The following ASTN2 variants were observed in gnomAD, a reference collection of about 807,000 sequenced individuals.
ASTN2 encodes astrotactin 2, also known as astrotactin-2.
A neutral mutation model predicts 139.8 loss-of-function variants in ASTN2; 54 were observed. The ratio of observed to expected loss-of-function variants is 0.39; its 90% CI spans 0.31 to 0.48. ASTN2 has a LOEUF of 0.48. ASTN2 is among the 20% of genes least tolerant of loss of function. The pLI is 0.95. For missense variants in ASTN2, 1,565 were observed against 1,725.1 expected, an observed-to-expected ratio of 0.91 and a Z score of 1.64; for synonymous variants, 756 against 719.5, an observed-to-expected ratio of 1.05 and a Z score of -0.81.
chr9:116,756,770 A>AACACAC (rs111716372), intron 13 of ASTN2, among the ~76,000 whole-genome samples: 38,175 of 147,914 alleles, frequency 0.26, 4,828 homozygotes, highest in Admixed American at 0.31. Context: ...CTCCGAATAA[A>AACACAC]ACACACACAC....
chr9:116,896,530 G>A lies in ASTN2; in HGVS notation c.1890-32797C>T, dbSNP rs113337913. Among the ~76,000 whole-genome samples the A allele has an allele frequency of 3.1e-3, 470 of 152,216 alleles. 5 individuals are homozygous for A. Among genetic ancestry groups the A allele is most frequent in the African/African-American group, 0.011 (454 of 41,542 alleles). On this transcript the variant is annotated intron_variant, in intron 10 of 22. Coordinates refer to ENST00000313400, the MANE Select transcript of ASTN2 (RefSeq NM_001365068.1). ...GACAGGGTTTCACCATGTTGGCCAG[G>A]ATGGTCTCAAACTCTTGACCTCAGG...
At chr9:116,575,294 TAA>T (rs60609223) in intron 19 of ASTN2, among the ~76,000 whole-genome samples, 1 of 147,628 alleles carries the variant, frequency 6.8e-6, no homozygotes, top group Non-Finnish European at 1.5e-5. Flanking sequence ...AATGTATAAT[TAA>T]AAAAAAAAGA....
rs930361776 is a variant in ASTN2, at chr9:116,653,157, CGGA to C, written c.2807-1367_2807-1365del. Among the ~76,000 whole-genome samples the C allele has an allele frequency of 1.0e-3, 157 of 152,286 alleles. 1 individual carries two copies. The highest frequency in any genetic ancestry group is 3.5e-3 in the South Asian group (17 of 4,824). ...ACTTTCAGTGCCAAACATGGTGCGA[CGGA>C]TGTATTTGATACTCAGCCAGAGAGA... On this transcript the variant is annotated intron_variant, in intron 16 of 22. Coordinates refer to ENST00000313400, the MANE Select transcript of ASTN2 (RefSeq NM_001365068.1).
At chr9:117,060,845 A>G (rs1839268422) in intron 5 of ASTN2, among the ~76,000 whole-genome samples, 1 of 152,154 alleles carries the variant, frequency 6.6e-6, no homozygotes, top group South Asian at 2.1e-4. Flanking sequence ...CAGTGAGCCA[A>G]GATTGTGCCA....
intron 19 of ASTN2, among the ~76,000 whole-genome samples, chr9:116,556,785 A>C (rs2119436633): frequency 6.6e-6 from 1 of 152,266 alleles, no homozygotes; most frequent in Non-Finnish European, 1.5e-5. Flanking sequence ...GTAATTTTCT[A>C]CCCACTTTAT....
At chr9:116,892,960 T>C (rs962048179) in intron 10 of ASTN2, among the ~76,000 whole-genome samples, 5 of 152,316 alleles carry the variant, frequency 3.3e-5, no homozygotes, top group African/African-American at 1.2e-4. Flanking sequence ...ATATTTTATC[T>C]GGCAATTCTA....
At chr9:116,604,445 C>T (rs1855081026) in intron 19 of ASTN2, among the ~76,000 whole-genome samples, 1 of 152,044 alleles carries the variant, frequency 6.6e-6, no homozygotes, top group South Asian at 2.1e-4. Flanking sequence ...AAAACATATT[C>T]CCCTCACCCC....
In ASTN2 at chr9:117,258,581, T is replaced by C. The variant is rs538605504; in HGVS notation, c.630+32745A>G. Among the ~76,000 whole-genome samples, 5 of 152,252 alleles carry C rather than the reference T, an allele frequency of 3.3e-5. No individual in the cohort carries two copies. In the East Asian group the frequency reaches 9.7e-4, roughly 29 times the overall value. ...CTTTCTATTCACATTTCTAAAGCCA[T>C]GCTTTGCTTGCTTGTAAAGGTCTGC... is the stretch of plus-strand genomic sequence containing the variant. On this transcript the variant is annotated intron_variant, in intron 2 of 22. Coordinates refer to ENST00000313400, the MANE Select transcript of ASTN2 (RefSeq NM_001365068.1).
intron 1 of ASTN2, among the ~76,000 whole-genome samples, chr9:117,397,550 G>C (rs776820599): frequency 2.0e-5 from 3 of 152,162 alleles, no homozygotes; most frequent in Non-Finnish European, 4.4e-5. Context: ...ATGGTTTATG[G>C]AAGACAGATG....
intron 1 of ASTN2, among the ~76,000 whole-genome samples, chr9:117,370,709 C>CT (rs34032552): frequency 1.3e-5 from 2 of 151,816 alleles, no homozygotes; most frequent in African/African-American, 2.4e-5. Context: ...ATGTCAAACT[C>CT]TTTTTTTTCC....
intron 4 of ASTN2, among the ~76,000 whole-genome samples, chr9:117,137,386 T>C (rs2132850591): frequency 6.6e-6 from 1 of 152,190 alleles, no homozygotes; most frequent in Non-Finnish European, 1.5e-5. Flanking sequence ...GTGCTCCCAA[T>C]CTGGACCAGG....
intron 19 of ASTN2, among the ~76,000 whole-genome samples, chr9:116,520,331 C>A (rs1233759275): frequency 6.6e-6 from 1 of 152,060 alleles, no homozygotes; most frequent in Non-Finnish European, 1.5e-5. Context: ...GCAAGGGATG[C>A]AGGGATGGTT....
intron 3 of ASTN2, among the ~76,000 whole-genome samples, chr9:117,158,234 C>A (rs894306719): frequency 3.3e-5 from 5 of 151,908 alleles, no homozygotes; most frequent in South Asian, 2.1e-4. Flanking sequence ...AGTCCAGATA[C>A]AAAGATACAG....
At chr9:116,874,948 T>C (rs947921875) in intron 10 of ASTN2, among the ~76,000 whole-genome samples, 3 of 152,172 alleles carry the variant, frequency 2.0e-5, no homozygotes, top group African/African-American at 7.2e-5. Context: ...GGAGCCCTCA[T>C]TGCGCTCATA....
intron 4 of ASTN2, among the ~76,000 whole-genome samples, chr9:117,105,996 AG>A (rs1829092851): frequency 6.6e-6 from 1 of 152,142 alleles, no homozygotes. Flanking sequence ...CAGAGCAGAG[AG>A]GAGAATATAG....
intron 20 of ASTN2, among the ~76,000 whole-genome samples, chr9:116,472,694 A>G (rs929682409): frequency 6.6e-6 from 1 of 151,930 alleles, no homozygotes; most frequent in African/African-American, 2.4e-5. Context: ...ATTTGAGGTC[A>G]GGAGTTCAAG....
chr9:117,040,068 A>AAAAAG (rs1408984371), intron 5 of ASTN2, 103 bp from the exon 6 acceptor site: 6 of 1,321,638 alleles, frequency 4.5e-6, no homozygotes, highest in African/African-American at 1.5e-5. Context: ...GGGAATCTGA[A>AAAAAG]AAAAGAAAAG....
intron 19 of ASTN2, among the ~76,000 whole-genome samples, chr9:116,551,667 C>T (rs1196665149): frequency 6.6e-6 from 1 of 152,144 alleles, no homozygotes; most frequent in Non-Finnish European, 1.5e-5. Flanking sequence ...TCTTTTCCTC[C>T]AGCACCCCCT....
chr9:116,853,452 C>T (rs1255068467), intron 11 of ASTN2, among the ~76,000 whole-genome samples: 7 of 152,172 alleles, frequency 4.6e-5, no homozygotes, highest in Admixed American at 4.6e-4. Flanking sequence ...CTCACTGGTG[C>T]TTGGCACAAC....
Sources: gnomAD v4.1 joint callset for allele counts (sites outside exome capture counted in the v4.1 genomes callset) on GRCh38, gnomAD v4.1.1 for gene constraint, MANE v1.5 for transcripts, NCBI Gene and HGNC (gene_info 2026-07-23, HGNC 2026-07-21) for gene names.